The following LRRC53 variants were observed in gnomAD, a reference collection of about 807,000 sequenced individuals.
LRRC53 encodes leucine-rich repeat-containing protein 53.
Under a neutral mutation model 13.6 loss-of-function variants are expected in LRRC53, and 25 were observed. That is an observed-to-expected ratio of 1.83 (90% confidence interval 1.34 to 2.56). The LOEUF (loss-of-function observed/expected upper bound fraction) is 2.56. Ranked by LOEUF, LRRC53 falls within the 30% of genes most tolerant of loss-of-function variation. The pLI is 0.00. For missense variants in LRRC53, 527 were observed against 275.8 expected (o/e 1.91, Z -6.45); for synonymous variants, 204 against 109.8 (o/e 1.86, Z -5.37).
upstream of LRRC53, among the ~76,000 whole-genome samples, chr1:74,516,911 A>G (rs1312390478): frequency 6.6e-6 from 1 of 152,206 alleles, no homozygotes; most frequent in East Asian, 1.9e-4. Context: ...TGTTAACTAC[A>G]TGATAGACAG....
chr1:74,504,415 G>A (rs1215538609), intron 1 of LRRC53, among the ~76,000 whole-genome samples: 1 of 152,188 alleles, frequency 6.6e-6, no homozygotes, highest in South Asian at 2.1e-4. Flanking sequence ...ACTTCACGCC[G>A]AACAAAGGTG....
At chr1:74,514,782 G>A (rs1055335205), upstream of LRRC53, among the ~76,000 whole-genome samples, 1 of 152,062 alleles carries the variant, frequency 6.6e-6, no homozygotes, top group Non-Finnish European at 1.5e-5. Context: ...GGGTATTGTG[G>A]GTTGAATTGT....
In LRRC53 at chr1:74,469,986, C is replaced by T; in HGVS notation, c.3636G>A (p.Val1212=). The T allele has an allele frequency of 2.5e-6, 1 of 400,658 alleles. No homozygotes were observed. The highest frequency in any genetic ancestry group is 4.4e-6 in the Non-Finnish European group (1 of 226,118). 24.8% of individuals were successfully genotyped at this position (400,658 alleles called of 1,614,324 possible). The stretch of plus-strand genomic sequence containing the variant: ...CATTTATTCTGCTAGGAACTAAAAA[C>T]ACCTCATTTTCTGCCTCAAAACTGT... ...LKDSFEAENE[V]FLVPSRINEA... is the part of the protein sequence containing the mutation. The change falls in exon 5 of 5, where the codon GTG becomes GTA. Residue 1212 remains valine (V), a synonymous_variant. Transcript: ENST00000294635.
chr1:74,523,069 A>G, the LRRC53 span, among the ~76,000 whole-genome samples: 8 of 152,216 alleles, frequency 5.3e-5, no homozygotes, highest in Non-Finnish European at 1.2e-4. Flanking sequence ...AGTGAGCTTC[A>G]GTATAGGTTC....
intron 1 of LRRC53, among the ~76,000 whole-genome samples, chr1:74,502,293 G>A (rs1284798820): frequency 6.6e-6 from 1 of 152,120 alleles, no homozygotes; most frequent in Non-Finnish European, 1.5e-5. Context: ...TACATGGTAG[G>A]TGCCAAACAC....
At chr1:74,521,057 T>TA in the LRRC53 span, among the ~76,000 whole-genome samples, 1 of 152,320 alleles carries the variant, frequency 6.6e-6, no homozygotes, top group African/African-American at 2.4e-5. Flanking sequence ...AGAGTGTTCT[T>TA]ACAGCTATTT....
chr1:74,495,829 TG>T (rs2100320628), intron 1 of LRRC53, among the ~76,000 whole-genome samples: 1 of 152,334 alleles, frequency 6.6e-6, no homozygotes, highest in African/African-American at 2.4e-5. Flanking sequence ...CAGTTTCTCC[TG>T]GAAGTCAATC....
rs575684930 is a variant in LRRC53 at position 74,483,377 on chromosome 1, T to A, written c.-26-2A>T. 1.0e-4 allele frequency: 73 copies of A among 716,966 alleles called. No individual in the cohort carries two copies. The Middle Eastern group carries it at 1.8e-3, about 18-fold the overall frequency. The allele number at this position is 716,966 out of a possible 1,614,324, so 44.4% of individuals were successfully genotyped here. ...TGGCAAAGAGTACCAGCCATCCACC[T>A]GAAAGGAAAGTAGAGGGCAATGTAT... On this transcript the variant is annotated splice_acceptor_variant, in intron 1 of 4. Transcript: ENST00000294635. LOFTEE classifies it low-confidence loss of function (5UTR_SPLICE).
chr1:74,486,430 T>G (rs1206001047), intron 1 of LRRC53, among the ~76,000 whole-genome samples: 3 of 152,128 alleles, frequency 2.0e-5, no homozygotes, highest in African/African-American at 7.2e-5. Flanking sequence ...TCAATATAAT[T>G]TGCTGGTATA....
At chr1:74,494,811 T>G (rs1036627347) in intron 1 of LRRC53, among the ~76,000 whole-genome samples, 1 of 152,156 alleles carries the variant, frequency 6.6e-6, no homozygotes, top group Non-Finnish European at 1.5e-5. Flanking sequence ...TAAGGAGAGG[T>G]ACTATTGTCA....
Position 74,472,075 on chromosome 1 carries a change from A to G in LRRC53, c.1547T>C (p.Leu516Ser), listed in dbSNP as rs1270222992. The G allele has an allele frequency of 2.0e-5, 14 of 716,746 alleles. No individual in the cohort carries two copies. Among genetic ancestry groups the G allele is most frequent in the Non-Finnish European group, 3.6e-5 (14 of 384,742 alleles). 44.4% of individuals were successfully genotyped at this position (716,746 alleles called of 1,614,324 possible). A position where few individuals can be genotyped will look rare whatever the true frequency, so the allele number is the denominator to read the frequency against. ...QPPIEKEDNG[L>S]HPHRQRHFIT... The stretch of plus-strand genomic sequence containing the variant: ...AAAATGTCTTTGCCTATGAGGGTGT[A>G]AGCCATTGTCTTCTTTTTCTATTGG... Residue 516 changes from leucine to serine, a missense_variant, in exon 5 of 5, where the codon TTA becomes TCA. Coordinates refer to ENST00000294635, the MANE Select transcript of LRRC53 (RefSeq NM_001382280.1).
At chr1:74,535,824 A>G in the LRRC53 span, among the ~76,000 whole-genome samples, 1 of 152,196 alleles carries the variant, frequency 6.6e-6, no homozygotes, top group Non-Finnish European at 1.5e-5. Flanking sequence ...AATTGAATCT[A>G]ACCACTCGTC....
chr1:74,505,705 A>G (rs1236826070), intron 1 of LRRC53, among the ~76,000 whole-genome samples: 3 of 152,158 alleles, frequency 2.0e-5, no homozygotes, highest in East Asian at 1.9e-4. Flanking sequence ...GTCATTTCTC[A>G]TTATCTCCTT....
At chr1:74,504,804 C>G (rs916196959) in intron 1 of LRRC53, among the ~76,000 whole-genome samples, 3 of 152,056 alleles carry the variant, frequency 2.0e-5, no homozygotes, top group Non-Finnish European at 2.9e-5. Flanking sequence ...CTTTTCTATC[C>G]GTCAGCAGTG....
the LRRC53 span, among the ~76,000 whole-genome samples, chr1:74,533,227 C>T: frequency 1.3e-5 from 2 of 152,136 alleles, no homozygotes; most frequent in Non-Finnish European, 2.9e-5. Flanking sequence ...AAAAAACAAA[C>T]ATCCCCATCA....
the LRRC53 span, among the ~76,000 whole-genome samples, chr1:74,527,834 A>T: frequency 6.6e-6 from 1 of 152,182 alleles, no homozygotes; most frequent in Admixed American, 6.5e-5. Context: ...TCCCCAATGG[A>T]TATGGAGCAG....
At chr1:74,518,339 C>A in the LRRC53 span, among the ~76,000 whole-genome samples, 1 of 152,124 alleles carries the variant, frequency 6.6e-6, no homozygotes, top group Admixed American at 6.6e-5. Flanking sequence ...TTCCACATAG[C>A]CTCTTACTGT....
chr1:74,475,012 CT>C (rs1668119561), intron 4 of LRRC53, among the ~76,000 whole-genome samples: 2 of 145,768 alleles, frequency 1.4e-5, no homozygotes, highest in Non-Finnish European at 3.0e-5. Context: ...TACTTTTTTT[CT>C]TTTTTTAACA....
At chr1:74,526,400 TTGAGTATAAAGTAG>T in the LRRC53 span, among the ~76,000 whole-genome samples, 1 of 152,126 alleles carries the variant, frequency 6.6e-6, no homozygotes, top group Non-Finnish European at 1.5e-5. Flanking sequence ...CCAGTGGCCA[TTGAGTATAAAGTAG>T]TGATTAAAAG....
Sources: gnomAD v4.1 joint callset for allele counts (sites outside exome capture counted in the v4.1 genomes callset) on GRCh38, gnomAD v4.1.1 for gene constraint, MANE v1.5 for transcripts, NCBI Gene and HGNC (gene_info 2026-07-23, HGNC 2026-07-21) for gene names.